Variants in UNC13B observed in about 807,000 individuals in gnomAD.
UNC13B encodes the protein protein unc-13 homolog B.
In UNC13B, 144 loss-of-function variants were observed where a neutral mutation model predicts 211.0. That is an observed-to-expected ratio of 0.68 (90% confidence interval 0.60 to 0.78). UNC13B has a LOEUF of 0.78. UNC13B is among the 30% of genes least tolerant of loss of function. The pLI is 0.00. For missense variants in UNC13B, 1,777 were observed against 2,002.0 expected, an observed-to-expected ratio of 0.89 and a Z score of 2.14; for synonymous variants, 709 against 725.8, an observed-to-expected ratio of 0.98 and a Z score of 0.37.
intron 12 of UNC13B, 101 bp from the exon 13 acceptor site, chr9:35,370,217 C>A: frequency 1.0e-6 from 1 of 962,570 alleles, no homozygotes; most frequent in East Asian, 2.5e-5. Flanking sequence ...GTCAGTTCAT[C>A]TTCCTCTGGG....
At position 35,258,987 on chromosome 9, in the gene UNC13B, T is replaced by C; in HGVS notation, c.469-6T>C. ...TATTTATTTATTTTCTCCTTTCTGC[T>C]TCTAGTATTCTAGTCAAGAAGAAAG... On this transcript the variant is annotated splice_region_variant and splice_polypyrimidine_tract_variant and intron_variant, in intron 6 of 39. Coordinates refer to ENST00000635942, the MANE Select transcript of UNC13B (RefSeq NM_001371189.2). 6.2e-7 allele frequency: 1 copy of C among 1,613,080 alleles called. No homozygotes were observed. Among genetic ancestry groups the C allele is most frequent in the Non-Finnish European group, 8.5e-7 (1 of 1,179,624 alleles).
intron 11 of UNC13B, chr9:35,342,466 A>AG (rs1000988212): frequency 3.1e-6 from 2 of 641,288 alleles, no homozygotes; most frequent in Non-Finnish European, 3.9e-6. Flanking sequence ...CTTGCTGGTG[A>AG]GGGGGGTCAT....
At chr9:35,195,568 A>T (rs918228118) in intron 1 of UNC13B, among the ~76,000 whole-genome samples, 2 of 152,140 alleles carry the variant, frequency 1.3e-5, no homozygotes, top group African/African-American at 2.4e-5. Context: ...TTACATCCTC[A>T]TAGCTGTTTT....
Position 35,378,459 on chromosome 9 carries a change from T to A in UNC13B, c.10205+23T>A, listed in dbSNP as rs146575405. 27 of 1,614,034 alleles carry A rather than the reference T, an allele frequency of 1.7e-5. No individual in the cohort carries two copies. In the Admixed American group the frequency reaches 4.2e-4, roughly 25 times the overall value. ...TTTGTAAGTCACAGAGAGCTTTGTC[T>A]TACCTGGGACTGTGTGTATTGGGGG... On this transcript the variant is annotated intron_variant, in intron 17 of 39. Coordinates refer to ENST00000635942, the MANE Select transcript of UNC13B (RefSeq NM_001371189.2).
chr9:35,302,128 A>G lies in UNC13B; in HGVS notation c.2724A>G (p.Ala908=), dbSNP rs1242242932. The part of the protein sequence containing the change: ...TVNDQSLRGS[A]VTTDEESKKN... ...ATGACCAGAGTTTACGTGGCTCAGC[A>G]GTAACCACTGATGAGGAGAGCAAAA... is the stretch of plus-strand genomic sequence containing the variant. Residue 908 remains alanine, a synonymous_variant, in exon 9 of 40, where the codon GCA becomes GCG. Transcript: ENST00000635942. 1.3e-5 allele frequency: 5 copies of G among 398,674 alleles called. No individual in the cohort carries two copies. The highest frequency in any genetic ancestry group is 8.8e-5 in the Admixed American group (2 of 22,710). The allele number at this position is 398,674 out of a possible 1,614,324, so 24.7% of individuals were successfully genotyped here.
intron 7 of UNC13B, among the ~76,000 whole-genome samples, chr9:35,287,285 G>A (rs1039523643): frequency 1.3e-5 from 2 of 151,700 alleles, no homozygotes; most frequent in African/African-American, 4.8e-5. Flanking sequence ...GGTGCCCATC[G>A]CCATGCCTGG....
chr9:35,400,339 T>A lies in UNC13B; in HGVS notation c.12380T>A (p.Leu4127Gln), dbSNP rs760178113. The A allele has an allele frequency of 3.1e-6, 5 of 1,614,164 alleles. No individual in the cohort carries two copies. Among genetic ancestry groups the A allele is most frequent in the Non-Finnish European group, 4.2e-6 (5 of 1,180,008 alleles). The change falls in exon 37 of 40, where the codon CTG (leucine) becomes CAG (glutamine). Residue 4127 changes from leucine (L) to glutamine (Q), a missense_variant. By Grantham distance (113) the Leu-to-Gln change is moderately radical (BLOSUM62 -2). Transcript: ENST00000635942. Reference sequence around the variant, plus strand: ...GGCAATGGGCTGAAGAAAACCTTCCTGGAGAAGAGCCCAGATCTGCAGTCT... The same window carrying A: ...GGCAATGGGCTGAAGAAAACCTTCCAGGAGAAGAGCCCAGATCTGCAGTCT... ...AGGNGLKKTF[L>Q]EKSPDLQSLR...
chr9:35,318,686 T>C (rs1441650483), intron 11 of UNC13B, among the ~76,000 whole-genome samples: 3 of 152,248 alleles, frequency 2.0e-5, no homozygotes, highest in Non-Finnish European at 4.4e-5. Flanking sequence ...CCTTTGTTGA[T>C]GTTCATTTGG....
intron 24 of UNC13B, 58 bp from the exon 25 acceptor site, chr9:35,389,788 C>T (rs1835413220): frequency 3.8e-6 from 6 of 1,590,444 alleles, no homozygotes; most frequent in Non-Finnish European, 5.2e-6. Context: ...TTGGAGACAC[C>T]CTCTACATTC....
intron 6 of UNC13B, among the ~76,000 whole-genome samples, chr9:35,249,136 T>C (rs902700188): frequency 2.0e-5 from 3 of 152,216 alleles, no homozygotes; most frequent in Non-Finnish European, 4.4e-5. Context: ...TTTTGATCTT[T>C]GTTGGTTTAA....
chr9:35,397,797 G>A (rs1835986883), intron 30 of UNC13B, 85 bp downstream of exon 30: 2 of 1,445,618 alleles, frequency 1.4e-6, no homozygotes, highest in South Asian at 2.4e-5. Context: ...AGAATTGAGG[G>A]TTGGGGTGAC....
chr9:35,379,449 AAAAAG>A (rs2132243699), intron 17 of UNC13B, among the ~76,000 whole-genome samples: 1 of 151,822 alleles, frequency 6.6e-6, no homozygotes, highest in African/African-American at 2.4e-5. Flanking sequence ...CTCCGTCTAA[AAAAAG>A]AAAAGAAAAA....
Position 35,231,117 on chromosome 9 carries a change from A to T in UNC13B, c.53-3A>T, listed in dbSNP as rs1381193848. ...TATGTCTCCATTTTGTATTTTTTCA[A>T]AGATAAATTTAACACATATGTGACC... On this transcript the variant is annotated splice_polypyrimidine_tract_variant and splice_region_variant and intron_variant, in intron 2 of 39. Transcript: ENST00000635942. 6.2e-7 allele frequency: 1 copy of T among 1,603,036 alleles called. No individual in the cohort carries two copies. The highest frequency in any genetic ancestry group is 2.2e-5 in the East Asian group (1 of 44,772).
At chr9:35,228,407 T>C (rs1216069835) in intron 2 of UNC13B, among the ~76,000 whole-genome samples, 1 of 152,100 alleles carries the variant, frequency 6.6e-6, no homozygotes, top group Non-Finnish European at 1.5e-5. Flanking sequence ...TACATAGGTA[T>C]ACATGTGCCA....
At chr9:35,384,111 G>A in intron 21 of UNC13B, 135 bp from the exon 22 acceptor site, 1 of 1,369,188 alleles carries the variant, frequency 7.3e-7, no homozygotes, top group Middle Eastern at 2.0e-4. Context: ...TCTTCCCATG[G>A]GCAGGGATGT....
In UNC13B at chr9:35,167,917, A is replaced by G. The variant is rs539451068; in HGVS notation, c.22+5612A>G. On this transcript the variant is annotated intron_variant, in intron 1 of 39. Coordinates refer to ENST00000635942, the MANE Select transcript of UNC13B (RefSeq NM_001371189.2). ...CACGTCCAGCCTGTAGATGGTTTTT[A>G]AACATTTGTTTTTATTTTTGAGACA... Among the ~76,000 whole-genome samples, 145 of 150,636 alleles carry G rather than the reference A, an allele frequency of 9.6e-4. 1 individual carries two copies. Among genetic ancestry groups the G allele is most frequent in the African/African-American group, 3.4e-3 (138 of 40,936 alleles).
intron 12 of UNC13B, among the ~76,000 whole-genome samples, chr9:35,370,000 C>T (rs1053692138): frequency 2.6e-5 from 4 of 152,186 alleles, no homozygotes; most frequent in Non-Finnish European, 4.4e-5. Flanking sequence ...GTGCCAATTC[C>T]TACCTTGCCT....
rs998051034 is a variant in UNC13B at position 35,192,456 on chromosome 9, C to T, written c.22+30151C>T. On this transcript the variant is annotated intron_variant, in intron 1 of 39. Transcript: ENST00000635942. The stretch of plus-strand genomic sequence containing the variant: ...GTTTGGCTTAGAAGCAGCATAACAT[C>T]CCTTCATGAGAGGTTAAACACCTGA... Among the ~76,000 whole-genome samples the T allele has an allele frequency of 2.0e-5, 3 of 152,202 alleles. 1 individual carries two copies. Among genetic ancestry groups the T allele is most frequent in the Admixed American group, 1.3e-4 (2 of 15,272 alleles).
At chr9:35,347,467 G>T (rs1263529536) in intron 11 of UNC13B, among the ~76,000 whole-genome samples, 2 of 152,158 alleles carry the variant, frequency 1.3e-5, no homozygotes, top group African/African-American at 4.8e-5. Flanking sequence ...CCTGAGGGTT[G>T]CCCTTTCAGC....
Sources: allele counts gnomAD v4.1 joint callset (sites outside exome capture counted in the v4.1 genomes callset), GRCh38; gene constraint gnomAD v4.1.1; transcripts MANE v1.5; gene names NCBI Gene and HGNC (gene_info 2026-07-23, HGNC 2026-07-21).